BICD1: variants seen among roughly 807,000 people sequenced by gnomAD.
The protein encoded by BICD1 is BICD cargo adaptor 1, also known as protein bicaudal D homolog 1.
A neutral mutation model predicts 92.5 loss-of-function variants in BICD1; 35 were observed. The ratio of observed to expected loss-of-function variants is 0.38; its 90% CI spans 0.29 to 0.50. The LOEUF is 0.50. Among genes scored for constraint, BICD1 ranks in the 20% least tolerant of loss-of-function variants. The pLI is 0.93. For missense variants in BICD1, 950 were observed against 1,189.8 expected (o/e 0.80, Z 2.97); for synonymous variants, 429 against 465.1 (o/e 0.92, Z 1.00).
chr12:32,267,981 T>A (rs1947043736), intron 2 of BICD1, among the ~76,000 whole-genome samples: 1 of 151,944 alleles, frequency 6.6e-6, no homozygotes, highest in Non-Finnish European at 1.5e-5. Flanking sequence ...AAAAGTGTTT[T>A]TTTTGAAGAA....
intron 1 of BICD1, among the ~76,000 whole-genome samples, chr12:32,170,568 T>C (rs1268978585): frequency 2.0e-5 from 3 of 152,234 alleles, no homozygotes; most frequent in African/African-American, 7.2e-5. Context: ...ATCTAGATTC[T>C]ATGTCCTCAG....
chr12:32,129,477 A>G (rs973985682), intron 1 of BICD1, among the ~76,000 whole-genome samples: 7 of 141,720 alleles, frequency 4.9e-5, no homozygotes, highest in Non-Finnish European at 1.1e-4. Flanking sequence ...GTGAGCTGAG[A>G]TGGCGCAACT....
At chr12:32,336,166 C>T (rs148688408) in intron 6 of BICD1, among the ~76,000 whole-genome samples, 182 of 152,262 alleles carry the variant, frequency 1.2e-3, no homozygotes, top group African/African-American at 4.2e-3. Flanking sequence ...TGTCTATTTT[C>T]ACAGACTTTT....
At chr12:32,213,755 T>C (rs1285007036) in intron 1 of BICD1, among the ~76,000 whole-genome samples, 1 of 152,172 alleles carries the variant, frequency 6.6e-6, no homozygotes, top group Non-Finnish European at 1.5e-5. Context: ...GCTGTTGATC[T>C]AAGTTTTGGT....
chr12:32,254,571 A>C (rs967501153), intron 2 of BICD1, among the ~76,000 whole-genome samples: 3 of 152,238 alleles, frequency 2.0e-5, no homozygotes, highest in African/African-American at 7.2e-5. Flanking sequence ...TAAAAACCTG[A>C]CCTTCCCCAA....
At chr12:32,180,925 T>A (rs542607109) in intron 1 of BICD1, among the ~76,000 whole-genome samples, 1 of 151,920 alleles carries the variant, frequency 6.6e-6, no homozygotes. Context: ...TCATATTCTC[T>A]TGTGGGCACC....
chr12:32,139,655 T>A (rs1488176190), intron 1 of BICD1, among the ~76,000 whole-genome samples: 2 of 152,168 alleles, frequency 1.3e-5, no homozygotes, highest in Non-Finnish European at 2.9e-5. Flanking sequence ...CTCCTCTTCC[T>A]GGGTTCGAGC....
intron 2 of BICD1, among the ~76,000 whole-genome samples, chr12:32,228,455 G>T (rs754562475): frequency 1.3e-5 from 2 of 152,142 alleles, no homozygotes; most frequent in Non-Finnish European, 2.9e-5. Context: ...AGATCATGTA[G>T]GGCCTTGTAG....
intron 8 of BICD1, among the ~76,000 whole-genome samples, chr12:32,346,659 C>CGTGTATATATATATATATATATAT (rs1938642646): frequency 1.1e-5 from 1 of 88,284 alleles, no homozygotes; most frequent in African/African-American, 3.4e-5. Context: ...TATATATATA[C>CGTGTATATATATATATATATATAT]ACACACACAC....
intron 1 of BICD1, among the ~76,000 whole-genome samples, chr12:32,159,561 C>T (rs1943540225): frequency 6.6e-6 from 1 of 152,178 alleles, no homozygotes; most frequent in African/African-American, 2.4e-5. Flanking sequence ...TCTATTAATA[C>T]AGCACCAACC....
chr12:32,143,637 G>A (rs989134754), intron 1 of BICD1, among the ~76,000 whole-genome samples: 1 of 152,098 alleles, frequency 6.6e-6, no homozygotes, highest in Non-Finnish European at 1.5e-5. Context: ...TGCACCTGTT[G>A]TACATATAGC....
intron 1 of BICD1, among the ~76,000 whole-genome samples, chr12:32,127,579 T>C (rs1459549906): frequency 2.0e-5 from 3 of 152,236 alleles, no homozygotes; most frequent in Non-Finnish European, 4.4e-5. Context: ...CATTTTAATA[T>C]AAGTTCTTGG....
At chr12:32,114,523 G>A (rs1255025431) in intron 1 of BICD1, among the ~76,000 whole-genome samples, 1 of 152,064 alleles carries the variant, frequency 6.6e-6, no homozygotes, top group African/African-American at 2.4e-5. Flanking sequence ...TGGGACTACA[G>A]GTGCACACCG....
chr12:32,337,277 AAAT>A lies in BICD1; in HGVS notation c.2253-213_2253-211del, dbSNP rs1464169601. On this transcript the variant is annotated intron_variant, in intron 6 of 9. Transcript: ENST00000652176. The surrounding 1 kb of genome is among the most constrained non-coding windows in gnomAD (Gnocchi z 4.7). ...ACAAATAAACAAAACAACAACAACA[AAAT>A]AATAATAAATTTTTTAAAAATGTCC... Among the ~76,000 whole-genome samples, 4 of 152,076 alleles carry A rather than the reference AAAT, an allele frequency of 2.6e-5. No individual in the cohort carries two copies. Among genetic ancestry groups the A allele is most frequent in the East Asian group, 3.9e-4 (2 of 5,194 alleles).
chr12:32,332,321 T>A (rs1044344889), intron 5 of BICD1: 2 of 377,846 alleles, frequency 5.3e-6, no homozygotes, highest in African/African-American at 4.4e-5. Flanking sequence ...CAAACCCCCA[T>A]GACACACATT....
intron 1 of BICD1, among the ~76,000 whole-genome samples, chr12:32,187,282 T>A (rs534188347): frequency 1.3e-5 from 2 of 152,362 alleles, no homozygotes; most frequent in Admixed American, 6.5e-5. Context: ...TTTGCTCATC[T>A]GGGCAAACAG....
In BICD1 at chr12:32,184,193, T is replaced by C. The variant is rs565768027; in HGVS notation, c.214-32054T>C. 2.0e-5 allele frequency among the ~76,000 whole-genome samples: 3 copies of C among 152,320 alleles called. No individual in the cohort carries two copies. In the South Asian group the frequency reaches 6.2e-4, roughly 32 times the overall value. ...AGTGTCTCTCAAGGAAAAAACATAT[T>C]TGTTGATTTGATTTCATGCCAACAC... On this transcript the variant is annotated intron_variant, in intron 1 of 9. Transcript: ENST00000652176.
In BICD1 at chr12:32,191,698, T is replaced by C. The variant is rs967755846; in HGVS notation, c.214-24549T>C. Among the ~76,000 whole-genome samples the C allele has an allele frequency of 2.1e-5, 3 of 143,742 alleles. 1 individual carries two copies. Among genetic ancestry groups the C allele is most frequent in the Middle Eastern group, 6.6e-3 (2 of 304 alleles). 94.3% of individuals were successfully genotyped at this position (143,742 alleles called of 152,430 possible). A position where few individuals can be genotyped will look rare whatever the true frequency, so the allele number is the denominator to read the frequency against. ...ATATATATTATATATAATACATATA[T>C]ATTATGATATTATTATATCACAATG... On this transcript the variant is annotated intron_variant, in intron 1 of 9. Transcript: ENST00000652176.
chr12:32,328,533 C>T lies in BICD1; in HGVS notation c.2078C>T (p.Ala693Val), dbSNP rs746325904. 49 of 1,611,888 alleles carry T rather than the reference C, an allele frequency of 3.0e-5. No homozygotes were observed. The highest frequency in any genetic ancestry group is 4.4e-5 in the South Asian group (4 of 90,934). Residue 693 changes from alanine (A) to valine (V), a missense_variant, in exon 5 of 10, where the codon GCG becomes GTG. Ala to Val is a moderately conservative substitution (Grantham distance 64, BLOSUM62 0). This residue lies in a region of BICD1 where 309 missense variants were observed against 499.4 expected (regional missense o/e 0.62). Coordinates refer to ENST00000652176, the MANE Select transcript of BICD1 (RefSeq NM_001714.4). This position sits in a 1 kb window ranked among gnomAD's most constrained non-coding sequence, Gnocchi z 4.4. ...TKREQIATLR[A>V]VLKANKQTAE... Reference sequence around the variant, plus strand: ...CGGGAGCAGATCGCCACATTGAGGGCGGTGTTGAAAGCCAACAAGCAGGTA... The same window carrying T: ...CGGGAGCAGATCGCCACATTGAGGGTGGTGTTGAAAGCCAACAAGCAGGTA...
Sources: allele counts gnomAD v4.1 joint callset (sites outside exome capture counted in the v4.1 genomes callset), GRCh38; gene constraint gnomAD v4.1.1; regional missense constraint gnomAD v4.1.1; non-coding constraint Gnocchi (gnomAD v3.1); transcripts MANE v1.5; gene names NCBI Gene and HGNC (gene_info 2026-07-23, HGNC 2026-07-21).